Variants in RSU1 observed in about 807,000 individuals in gnomAD.
The protein encoded by RSU1 is Ras suppressor protein 1.
RSU1 carries 26 observed loss-of-function variants against 31.1 expected under a neutral mutation model. That is an observed-to-expected ratio of 0.84 (90% CI 0.61 to 1.16). The LOEUF is 1.16. Among genes scored for constraint, RSU1 ranks in the 50% most tolerant of loss-of-function variants. RSU1 has a pLI of 0.00. For synonymous variants in RSU1, 164 were observed against 136.3 expected (o/e 1.20, Z -1.41); for missense variants, 320 against 339.1 (o/e 0.94, Z 0.44).
At chr10:16,696,723 C>G (rs888087313) in intron 7 of RSU1, among the ~76,000 whole-genome samples, 2 of 152,200 alleles carry the variant, frequency 1.3e-5, no homozygotes, top group South Asian at 2.1e-4. Context: ...GCTTGATTCT[C>G]TAAACCATGA....
intron 8 of RSU1, among the ~76,000 whole-genome samples, chr10:16,604,352 CAG>C (rs1191926573): frequency 2.0e-5 from 3 of 152,176 alleles, no homozygotes; most frequent in African/African-American, 7.2e-5. Context: ...ACCTGCCCAT[CAG>C]AGTCAGCACT....
At chr10:16,682,870 C>A (rs919123099) in intron 8 of RSU1, among the ~76,000 whole-genome samples, 1 of 152,110 alleles carries the variant, frequency 6.6e-6, no homozygotes, top group African/African-American at 2.4e-5. Context: ...ACCCTCCACA[C>A]CGCACATGCC....
chr10:16,601,764 G>T (rs555540682), intron 8 of RSU1, among the ~76,000 whole-genome samples: 2 of 152,204 alleles, frequency 1.3e-5, no homozygotes, highest in African/African-American at 4.8e-5. Flanking sequence ...ACTAACAGGC[G>T]TGTGCAAGGT....
At chr10:16,632,402 T>C (rs1366939968) in intron 8 of RSU1, among the ~76,000 whole-genome samples, 1 of 152,166 alleles carries the variant, frequency 6.6e-6, no homozygotes, top group Non-Finnish European at 1.5e-5. Flanking sequence ...AGGTAACAGA[T>C]ACCTCCTTGG....
In RSU1 at chr10:16,591,716, C is replaced by T. The variant is rs1564278207; in HGVS notation, c.*1678G>A. 2 of 152,158 alleles carry T rather than the reference C, an allele frequency of 1.3e-5. No homozygotes were observed. Among genetic ancestry groups the T allele is most frequent in the African/African-American group, 4.8e-5 (2 of 41,420 alleles). The allele number at this position is 152,158 out of a possible 1,614,324, so 9.4% of individuals were successfully genotyped here. On this transcript the variant is annotated 3_prime_UTR_variant, in exon 9 of 9. Transcript: ENST00000345264. Reference sequence around the variant, plus strand: ...TTTTCATCTTTTGAAAAAAATGACTCATAAGAGCCCTTCATATTGTTAGAT... The same window carrying T: ...TTTTCATCTTTTGAAAAAAATGACTTATAAGAGCCCTTCATATTGTTAGAT...
intron 8 of RSU1, among the ~76,000 whole-genome samples, chr10:16,614,269 G>GGT (rs1181290681): frequency 6.6e-6 from 1 of 150,592 alleles, no homozygotes; most frequent in African/African-American, 2.5e-5. Flanking sequence ...TCAAGAACCA[G>GGT]GTAGTCCATG....
chr10:16,816,988 C>G lies in RSU1; in HGVS notation c.94G>C (p.Asp32His). Residue 32 changes from aspartate to histidine, a missense_variant, in exon 2 of 9, where the codon GAT becomes CAT. Asp to His is a moderately conservative substitution (Grantham distance 81, BLOSUM62 -1). Coordinates refer to ENST00000345264, the MANE Select transcript of RSU1 (RefSeq NM_012425.4). ...MSDRGISNML[D>H]VNGLFTLSHI... ...GAGAACTCACAGAGGCCGTTGACAT[C>G]CAGCATGTTGGAGATGCCCCGGTCA... 6.2e-7 allele frequency: 1 copy of G among 1,613,584 alleles called. No homozygotes were observed. The highest frequency in any genetic ancestry group is 8.5e-7 in the Non-Finnish European group (1 of 1,179,422).
At chr10:16,715,497 G>C (rs1174516913) in intron 7 of RSU1, among the ~76,000 whole-genome samples, 4 of 152,034 alleles carry the variant, frequency 2.6e-5, no homozygotes, top group Non-Finnish European at 4.4e-5. Flanking sequence ...ATTAGGCAAG[G>C]GTCCAACTTC....
intron 2 of RSU1, among the ~76,000 whole-genome samples, chr10:16,815,381 G>A (rs370152856): frequency 3.9e-5 from 6 of 152,110 alleles, no homozygotes; most frequent in East Asian, 3.9e-4. Context: ...GCAGGTTTTC[G>A]AACCGTGAAA....
chr10:16,680,316 G>A (rs1835306231), intron 8 of RSU1, among the ~76,000 whole-genome samples: 1 of 151,932 alleles, frequency 6.6e-6, no homozygotes, highest in Admixed American at 6.6e-5. Flanking sequence ...CATAAGAAAG[G>A]CAATCTGAAT....
At chr10:16,646,494 C>A (rs1362270949) in intron 8 of RSU1, among the ~76,000 whole-genome samples, 1 of 152,200 alleles carries the variant, frequency 6.6e-6, no homozygotes, top group Non-Finnish European at 1.5e-5. Context: ...TTCTCTCCAG[C>A]AGAATCAAAC....
chr10:16,680,497 A>C (rs1248981949), intron 8 of RSU1, among the ~76,000 whole-genome samples: 1 of 152,210 alleles, frequency 6.6e-6, no homozygotes, highest in African/African-American at 2.4e-5. Context: ...CAGGCTGTAC[A>C]AGAAGCATAG....
chr10:16,790,018 G>C (rs780933070), intron 2 of RSU1, among the ~76,000 whole-genome samples: 30 of 152,032 alleles, frequency 2.0e-4, no homozygotes, highest in Non-Finnish European at 2.5e-4. Context: ...ACAGAGGGAA[G>C]CAAAATCAAT....
intron 7 of RSU1, among the ~76,000 whole-genome samples, chr10:16,698,690 C>T (rs1187137777): frequency 6.6e-6 from 1 of 152,202 alleles, no homozygotes; most frequent in East Asian, 1.9e-4. Context: ...CTAATGATGG[C>T]TGCTAACTGG....
rs540193264 is a variant in RSU1, at chr10:16,817,417, C to A, written c.-106G>T. ...TGCAACACCGGCACTGAACAGCGAA[C>A]ACGCCCTGTCTCGGCGCCCCGCGCA... On this transcript the variant is annotated 5_prime_UTR_variant, in exon 1 of 9. Transcript: ENST00000345264. 32 of 255,708 alleles carry A rather than the reference C, an allele frequency of 1.3e-4. No individual in the cohort carries two copies. Among genetic ancestry groups the A allele is most frequent in the Non-Finnish European group, 2.5e-4 (32 of 129,928 alleles). The allele number at this position is 255,708 out of a possible 1,614,324, so 15.8% of individuals were successfully genotyped here. A position where few individuals can be genotyped will look rare whatever the true frequency, so the allele number is the denominator to read the frequency against.
chr10:16,657,238 A>C (rs1046426386), intron 8 of RSU1, among the ~76,000 whole-genome samples: 1 of 152,188 alleles, frequency 6.6e-6, no homozygotes, highest in African/African-American at 2.4e-5. Flanking sequence ...TTCAAATCCA[A>C]GTGTGGAAAT....
chr10:16,728,624 G>C (rs1836443453), intron 7 of RSU1, among the ~76,000 whole-genome samples: 1 of 152,232 alleles, frequency 6.6e-6, no homozygotes, highest in African/African-American at 2.4e-5. Flanking sequence ...CCTGGAACCT[G>C]CGCATATCAG....
At chr10:16,814,451 G>GGAAA (rs1554777362) in intron 2 of RSU1, among the ~76,000 whole-genome samples, 1 of 121,202 alleles carries the variant, frequency 8.3e-6, no homozygotes, top group African/African-American at 3.3e-5. Flanking sequence ...CTGTTTTCAG[G>GGAAA]AAAAAAAAAA....
chr10:16,738,520 C>T (rs1304336120), intron 7 of RSU1, among the ~76,000 whole-genome samples: 1 of 151,990 alleles, frequency 6.6e-6, no homozygotes, highest in Non-Finnish European at 1.5e-5. Flanking sequence ...AAAATCACAG[C>T]CAGCTGTACT....
Sources: allele counts gnomAD v4.1 joint callset (sites outside exome capture counted in the v4.1 genomes callset), GRCh38; gene constraint gnomAD v4.1.1; transcripts MANE v1.5; gene names NCBI Gene and HGNC (gene_info 2026-07-23, HGNC 2026-07-21).